The following SPATA4 variants were observed in gnomAD, a reference collection of about 807,000 sequenced individuals.
SPATA4 encodes spermatogenesis associated 4.
Under a neutral mutation model 31.8 loss-of-function variants are expected in SPATA4, and 35 were observed. The observed-to-expected ratio is 1.10, with a 90% CI of 0.84 to 1.46. SPATA4 has a LOEUF of 1.46. Among genes scored for constraint, SPATA4 ranks in the 40% most tolerant of loss-of-function variants. The pLI is 0.00. For missense variants in SPATA4, 394 were observed against 363.1 expected, an observed-to-expected ratio of 1.09 and a Z score of -0.69; for synonymous variants, 126 against 132.4, an observed-to-expected ratio of 0.95 and a Z score of 0.33.
chr4:176,190,865 A>G (rs1274854984), intron 4 of SPATA4, among the ~76,000 whole-genome samples: 1 of 152,078 alleles, frequency 6.6e-6, no homozygotes, highest in Non-Finnish European at 1.5e-5. Context: ...AACACACCCT[A>G]TCTTGGGGTC....
At chr4:176,189,184 G>C (rs532313320) in intron 4 of SPATA4, among the ~76,000 whole-genome samples, 1 of 152,156 alleles carries the variant, frequency 6.6e-6, no homozygotes, top group East Asian at 1.9e-4. Context: ...AATATAACTG[G>C]ACAGAACTGA....
intron 5 of SPATA4, among the ~76,000 whole-genome samples, chr4:176,185,513 G>T (rs1043329207): frequency 6.6e-6 from 1 of 152,170 alleles, no homozygotes; most frequent in Admixed American, 6.5e-5. Flanking sequence ...CAGGTGAACA[G>T]CCTGTGATTT....
At chr4:176,194,061 G>A (rs1351571580) in intron 1 of SPATA4, 2 of 155,310 alleles carry the variant, frequency 1.3e-5, no homozygotes. Flanking sequence ...CCTGCTCTGT[G>A]TTGCCTAGGA....
intron 5 of SPATA4, among the ~76,000 whole-genome samples, chr4:176,187,243 G>A (rs1174426241): frequency 6.6e-6 from 1 of 152,148 alleles, no homozygotes; most frequent in Non-Finnish European, 1.5e-5. Flanking sequence ...AAATGAGCAG[G>A]AGTGGCTCTG....
In SPATA4 at chr4:176,195,353, G is replaced by A. The variant is rs780486663; in HGVS notation, c.210C>T (p.Asn70=). 4 of 1,614,104 alleles carry A rather than the reference G, an allele frequency of 2.5e-6. No homozygotes were observed. The East Asian group carries it at 8.9e-5, about 36-fold the overall frequency. Residue 70 remains asparagine, a synonymous_variant, in exon 1 of 6, where the codon AAC becomes AAT. Coordinates refer to ENST00000280191, the MANE Select transcript of SPATA4 (RefSeq NM_144644.4). ...CTGGCTTACTCAAGCACCTGTTGATGTTCCTGGGGAAGAAGCTGAGATCCA... is the reference window on the plus strand; with the variant it reads ...CTGGCTTACTCAAGCACCTGTTGATATTCCTGGGGAAGAAGCTGAGATCCA... The part of the protein sequence containing the change: ...QGLDLSFFPR[N]INRDFSNGFL...
rs1160107776 is a variant in SPATA4 at position 176,188,188 on chromosome 4, G to A, written c.736C>T (p.Leu246Phe). The change falls in exon 5 of 6, where the codon CTT becomes TTT. Residue 246 changes from leucine to phenylalanine, a missense_variant. By Grantham distance (22) the Leu-to-Phe change is conservative (BLOSUM62 0). Transcript: ENST00000280191. Reference sequence around the variant, plus strand: ...CTGCGCCCAGAGGCTTGGGCAGGAAGGTGATTGAGAGTAACTTCTCCCACT... The same window carrying A: ...CTGCGCCCAGAGGCTTGGGCAGGAAAGTGATTGAGAGTAACTTCTCCCACT... ...PTVGEVTLNHLPAQASGRRYN... is the reference protein window; with the variant it reads ...PTVGEVTLNHFPAQASGRRYN... The A allele has an allele frequency of 1.2e-6, 2 of 1,613,050 alleles. No individual in the cohort carries two copies. The highest frequency in any genetic ancestry group is 1.1e-5 in the South Asian group (1 of 90,750).
intron 4 of SPATA4, among the ~76,000 whole-genome samples, chr4:176,190,833 G>A (rs1752516374): frequency 6.6e-6 from 1 of 152,022 alleles, no homozygotes; most frequent in African/African-American, 2.4e-5. Flanking sequence ...GATTAGATCA[G>A]GTCTGCCTGA....
intron 5 of SPATA4, among the ~76,000 whole-genome samples, chr4:176,185,557 CAG>C (rs1027975414): frequency 6.6e-5 from 10 of 152,168 alleles, no homozygotes; most frequent in Admixed American, 2.6e-4. Context: ...GATGGTAAAA[CAG>C]AGTTACGTTC....
At chr4:176,188,036 T>A (rs1230718735) in intron 5 of SPATA4, 83 bp downstream of exon 5, 4 of 976,062 alleles carry the variant, frequency 4.1e-6, no homozygotes, top group Non-Finnish European at 6.6e-6. Context: ...ACATTTTAAC[T>A]ATTTAACCGT....
intron 5 of SPATA4, 104 bp from the exon 6 acceptor site, chr4:176,184,996 A>C (rs1443796384): frequency 1.7e-6 from 1 of 582,476 alleles, no homozygotes; most frequent in Non-Finnish European, 3.0e-6. Context: ...AATGATTGGC[A>C]AGAGGTCAAG....
At position 176,184,784 on chromosome 4, in the gene SPATA4, G is replaced by C. The variant is rs774566292; in HGVS notation, c.914C>G (p.Pro305Arg). The change falls in exon 6 of 6, where the codon CCT becomes CGT. Residue 305 changes from proline to arginine, a missense_variant. Pro to Arg is a moderately radical substitution (Grantham distance 103). Transcript: ENST00000280191. ...AAGCCATTTGACAGGTGCTTTTCAA[G>C]GTTTCTTGTCCATGTTTCTGATAGG... The part of the protein sequence containing the change: ...MKPIRNMDKK[P>R] 17 of 1,582,508 alleles carry C rather than the reference G, an allele frequency of 1.1e-5. No homozygotes were observed. Among genetic ancestry groups the C allele is most frequent in the Non-Finnish European group, 1.5e-5 (17 of 1,164,398 alleles).
chr4:176,188,336 C>A (rs1752477936), intron 4 of SPATA4, 101 bp from the exon 5 acceptor site: 1 of 761,734 alleles, frequency 1.3e-6, no homozygotes, highest in African/African-American at 1.8e-5. Flanking sequence ...ATTTAAATTT[C>A]TGTTTATCAT....
chr4:176,189,392 C>A (rs1203975971), intron 4 of SPATA4, among the ~76,000 whole-genome samples: 1 of 149,768 alleles, frequency 6.7e-6, no homozygotes, highest in African/African-American at 2.5e-5. Context: ...GAAAAAAAAT[C>A]TTTGGAAAAA....
intron 5 of SPATA4, among the ~76,000 whole-genome samples, chr4:176,187,449 C>CA (rs1295044940): frequency 6.6e-6 from 1 of 151,756 alleles, no homozygotes; most frequent in Non-Finnish European, 1.5e-5. Context: ...TACTAAAATA[C>CA]AAAAAATTAG....
At position 176,195,503 on chromosome 4, in the gene SPATA4, C is replaced by T; in HGVS notation, c.60G>A (p.Lys20=). ...YLTQTAAALD[K]SPSLSPQLAA... Reference sequence around the variant, plus strand: ...CTAGCTGTGGCGAAAGTGACGGTGACTTGTCTAGGGCTGCCGCAGTCTGTG... The same window carrying T: ...CTAGCTGTGGCGAAAGTGACGGTGATTTGTCTAGGGCTGCCGCAGTCTGTG... The change falls in exon 1 of 6, where the codon AAG becomes AAA. Residue 20 remains lysine, a synonymous_variant. Transcript: ENST00000280191. 1 of 1,614,292 alleles carries T rather than the reference C, an allele frequency of 6.2e-7. No individual in the cohort carries two copies. The highest frequency in any genetic ancestry group is 1.1e-5 in the South Asian group (1 of 91,092).
Position 176,195,552 on chromosome 4 carries a change from G to C in SPATA4, c.11C>G (p.Ala4Gly). 6.2e-7 allele frequency: 1 copy of C among 1,614,072 alleles called. No homozygotes were observed. ...TGTCAAATACCCTTTTTCCTGGCCG[G>C]CGGCAGCCATGACGCTTTCTGGGTT... MAA[A>G]GQEKGYLTQT... The change falls in exon 1 of 6, where the codon GCC becomes GGC. Residue 4 changes from alanine (A) to glycine (G), a missense_variant. Physicochemically the swap from Ala to Gly is moderately conservative, Grantham distance 60 (BLOSUM62 0). Transcript: ENST00000280191.
Position 176,184,851 on chromosome 4 carries a change from C to T in SPATA4, c.847G>A (p.Val283Met), listed in dbSNP as rs758099717. ...SGGSSHREIH[V>M]KQAGQHSYYS... ...TAAGAATGTTGTCCAGCTTGCTTCA[C>T]ATGTATTTCTCTATGTGAACTGCCA... The change falls in exon 6 of 6, where the codon GTG (valine) becomes ATG (methionine). Residue 283 changes from valine (V) to methionine (M), a missense_variant. Coordinates refer to ENST00000280191, the MANE Select transcript of SPATA4 (RefSeq NM_144644.4). 1.2e-6 allele frequency: 2 copies of T among 1,601,030 alleles called. No individual in the cohort carries two copies. The highest frequency in any genetic ancestry group is 2.3e-5 in the East Asian group (1 of 44,222).
Position 176,184,607 on chromosome 4 carries a change from G to T in SPATA4, c.*173C>A. 4.9e-6 allele frequency: 2 copies of T among 407,224 alleles called. No homozygotes were observed. The highest frequency in any genetic ancestry group is 4.4e-6 in the Non-Finnish European group (1 of 228,184). 25.2% of individuals were successfully genotyped at this position (407,224 alleles called of 1,614,324 possible). The stretch of plus-strand genomic sequence containing the variant: ...AATTTTGTATTTTCAACAATGCCTG[G>T]CATAGGAGTTTAATAAACAAATTGA... On this transcript the variant is annotated 3_prime_UTR_variant, in exon 6 of 6. Transcript: ENST00000280191.
At position 176,195,500 on chromosome 4, in the gene SPATA4, T is replaced by C. The variant is rs775221863; in HGVS notation, c.63A>G (p.Ser21=). ...LTQTAAALDK[S]PSLSPQLAAP... is the part of the protein sequence containing the mutation. ...CTGCTAGCTGTGGCGAAAGTGACGG[T>C]GACTTGTCTAGGGCTGCCGCAGTCT... Residue 21 remains serine, a synonymous_variant, in exon 1 of 6, where the codon TCA becomes TCG. Transcript: ENST00000280191. The C allele has an allele frequency of 6.2e-7, 1 of 1,614,134 alleles. No homozygotes were observed.
Sources: gnomAD v4.1 joint callset for allele counts (sites outside exome capture counted in the v4.1 genomes callset) on GRCh38, gnomAD v4.1.1 for gene constraint, MANE v1.5 for transcripts, NCBI Gene and HGNC (gene_info 2026-07-23, HGNC 2026-07-21) for gene names.